The following IRF8 variants were observed in gnomAD, a reference collection of about 807,000 sequenced individuals.
IRF8 encodes interferon regulatory factor 8.
Under a neutral mutation model 48.7 loss-of-function variants are expected in IRF8, and 14 were observed. That is an observed-to-expected ratio of 0.29 (90% CI 0.19 to 0.45). IRF8 has a LOEUF of 0.45. Ranked by LOEUF, IRF8 falls within the 20% of genes least tolerant of loss-of-function variation. The pLI is 1.00. For synonymous variants in IRF8, 278 were observed against 227.3 expected, an observed-to-expected ratio of 1.22 and a Z score of -2.01; for missense variants, 493 against 580.7, an observed-to-expected ratio of 0.85 and a Z score of 1.55.
At chr16:85,908,846 T>A (rs1440414651) in intron 2 of IRF8, 144 bp from the exon 3 acceptor site, 1 of 788,478 alleles carries the variant, frequency 1.3e-6, no homozygotes, top group Non-Finnish European at 2.2e-6. Context: ...GATTGGAGTC[T>A]CTTTGGGTCC....
chr16:85,921,600 G>A lies in IRF8; in HGVS notation c.*318G>A. On this transcript the variant is annotated 3_prime_UTR_variant, in exon 9 of 9. Transcript: ENST00000268638. The stretch of plus-strand genomic sequence containing the variant: ...TTTTCGGTTAACTATCATTTCCAAA[G>A]ACTTGTCATTCAGTAATATTAGCAG... 2.6e-6 allele frequency: 1 copy of A among 378,388 alleles called. No individual in the cohort carries two copies. The highest frequency in any genetic ancestry group is 5.0e-6 in the Non-Finnish European group (1 of 201,320). 23.4% of individuals were successfully genotyped at this position (378,388 alleles called of 1,614,324 possible).
intron 8 of IRF8, 96 bp from the exon 9 acceptor site, chr16:85,921,010 C>T: frequency 8.0e-7 from 1 of 1,247,158 alleles, no homozygotes; most frequent in Non-Finnish European, 1.1e-6. Flanking sequence ...TCACGTGGCA[C>T]TGGGGTCATC....
intron 3 of IRF8, chr16:85,910,013 C>G (rs973726805): frequency 6.6e-6 from 1 of 152,194 alleles, no homozygotes; most frequent in Non-Finnish European, 1.5e-5. Flanking sequence ...AACAGAAACC[C>G]CCAAAACTTC....
chr16:85,904,302 G>T (rs1904921378), intron 2 of IRF8, among the ~76,000 whole-genome samples: 1 of 152,126 alleles, frequency 6.6e-6, no homozygotes, highest in Non-Finnish European at 1.5e-5. Context: ...GGGCTGAGTT[G>T]TTGGGGGCCA....
chr16:85,907,550 C>A (rs1269955388), intron 2 of IRF8, among the ~76,000 whole-genome samples: 2 of 152,108 alleles, frequency 1.3e-5, no homozygotes, highest in East Asian at 1.9e-4. Context: ...TGGTGGTGCA[C>A]ACCTGTAGTC....
At chr16:85,903,627 C>A in intron 2 of IRF8, 1 of 232,646 alleles carries the variant, frequency 4.3e-6, no homozygotes, top group Non-Finnish European at 8.5e-6. Context: ...GGGTGAGATG[C>A]CATCTGTCAT....
At chr16:85,899,799 A>G (rs1904768759) in intron 1 of IRF8, among the ~76,000 whole-genome samples, 1 of 152,222 alleles carries the variant, frequency 6.6e-6, no homozygotes, top group African/African-American at 2.4e-5. Flanking sequence ...ACAGCTCACA[A>G]AAGCATTGTT....
chr16:85,903,880 T>C lies in IRF8; in HGVS notation c.174+691T>C, dbSNP rs146375751. Among the ~76,000 whole-genome samples the C allele has an allele frequency of 7.4e-4, 112 of 152,290 alleles. 3 individuals are homozygous for C. The East Asian group carries it at 0.019, about 25-fold the overall frequency. The stretch of plus-strand genomic sequence containing the variant: ...AAGTGACTTGTTGAGGTCTCACAGC[T>C]CTTGTATGACGGAGCCAGCATTCAG... On this transcript the variant is annotated intron_variant, in intron 2 of 8. Transcript: ENST00000268638.
intron 2 of IRF8, among the ~76,000 whole-genome samples, chr16:85,904,675 G>A (rs1376809977): frequency 6.6e-6 from 1 of 152,078 alleles, no homozygotes; most frequent in Non-Finnish European, 1.5e-5. Context: ...GTCCCTTGGT[G>A]CCCCCACACG....
chr16:85,911,515 A>C, intron 3 of IRF8, 55 bp from the exon 4 acceptor site: 1 of 1,414,102 alleles, frequency 7.1e-7, no homozygotes, highest in Non-Finnish European at 1.0e-6. Context: ...TGGCTTCAGC[A>C]AAGGCTGTGA....
intron 7 of IRF8, 40 bp from the exon 8 acceptor site, chr16:85,920,069 C>T (rs371323003): frequency 3.3e-5 from 48 of 1,471,078 alleles, no homozygotes; most frequent in African/African-American, 2.4e-4. Flanking sequence ...GAGGTCATCT[C>T]GGCCTTGCTT....
chr16:85,914,828 C>G (rs1350698484), intron 6 of IRF8, among the ~76,000 whole-genome samples: 2 of 152,176 alleles, frequency 1.3e-5, no homozygotes, highest in African/African-American at 4.8e-5. Context: ...ATGAGCAGGA[C>G]CTGGTGTGGA....
At position 85,914,524 on chromosome 16, in the gene IRF8, C is replaced by CGG; in HGVS notation, c.601+7_601+8dup. 1 of 1,614,020 alleles carries CGG rather than the reference C, an allele frequency of 6.2e-7. No individual in the cohort carries two copies. Among genetic ancestry groups the CGG allele is most frequent in the Non-Finnish European group, 8.5e-7 (1 of 1,180,006 alleles). Reference sequence around the variant, plus strand: ...ACCTACGACGCGCACCATTCAGGTACGGGGTGGTCCGGGCTGAGAGGGGCG... The same window carrying CGG: ...ACCTACGACGCGCACCATTCAGGTACGGGGGGTGGTCCGGGCTGAGAGGGGCG... On this transcript the variant is annotated splice_donor_region_variant and intron_variant, in intron 6 of 8. Transcript: ENST00000268638.
rs1043048426 is a variant in IRF8 at position 85,921,856 on chromosome 16, T to A, written c.*574T>A. 1 of 159,378 alleles carries A rather than the reference T, an allele frequency of 6.3e-6. No individual in the cohort carries two copies. Among genetic ancestry groups the A allele is most frequent in the African/African-American group, 2.4e-5 (1 of 41,476 alleles). 9.9% of individuals were successfully genotyped at this position (159,378 alleles called of 1,614,324 possible). ...TGGCTTGTTAGAAGAAAGTATATTCTTTCTAGAATTTGGTGCAGGAATATG... is the reference window on the plus strand; with the variant it reads ...TGGCTTGTTAGAAGAAAGTATATTCATTCTAGAATTTGGTGCAGGAATATG... On this transcript the variant is annotated 3_prime_UTR_variant, in exon 9 of 9. Transcript: ENST00000268638.
chr16:85,921,066 C>A, intron 8 of IRF8, 40 bp from the exon 9 acceptor site: 1 of 1,577,666 alleles, frequency 6.3e-7, no homozygotes, highest in African/African-American at 1.4e-5. Context: ...CCCTTTGGAG[C>A]CTCCGCCTCT....
At chr16:85,913,457 G>A in intron 5 of IRF8, 2 of 584,748 alleles carry the variant, frequency 3.4e-6, no homozygotes, top group Non-Finnish European at 3.1e-6. Flanking sequence ...TCTCAGGAGG[G>A]CACAAGCTGC....
At chr16:85,908,948 G>A (rs1196012335) in intron 2 of IRF8, 42 bp from the exon 3 acceptor site, 1 of 1,534,686 alleles carries the variant, frequency 6.5e-7, no homozygotes, top group Admixed American at 1.7e-5. Context: ...TTTGTGATTG[G>A]AGTCGGCCAT....
At chr16:85,915,827 G>C (rs1905286386) in intron 6 of IRF8, among the ~76,000 whole-genome samples, 2 of 152,330 alleles carry the variant, frequency 1.3e-5, no homozygotes, top group African/African-American at 4.8e-5. Flanking sequence ...AATTTGGGGA[G>C]AGCATGTCCT....
rs1177860791 is a variant in IRF8, at chr16:85,904,812, C to CTTTTTTTTTTTTTTTTTTTTTTTTTT, written c.174+1643_174+1644insTTTTTTTTTTTTTTTTTTTTTTTTTT. ...ATTTCTCTCTTGTTTGATTGCAGAT[C>CTTTTTTTTTTTTTTTTTTTTTTTTTT]TTTTTTTTTTTTTTTTTTTTGCCTT... On this transcript the variant is annotated intron_variant, in intron 2 of 8. Coordinates refer to ENST00000268638, the MANE Select transcript of IRF8 (RefSeq NM_002163.4). Among the ~76,000 whole-genome samples the CTTTTTTTTTTTTTTTTTTTTTTTTTT allele has an allele frequency of 1.7e-3, 145 of 87,608 alleles. 4 individuals are homozygous for CTTTTTTTTTTTTTTTTTTTTTTTTTT. The highest frequency in any genetic ancestry group is 0.016 in the Middle Eastern group (2 of 124). The allele number at this position is 87,608 out of a possible 152,430, so 57.5% of individuals were successfully genotyped here.
Sources: gnomAD v4.1 joint callset for allele counts (sites outside exome capture counted in the v4.1 genomes callset) on GRCh38, gnomAD v4.1.1 for gene constraint, MANE v1.5 for transcripts, NCBI Gene and HGNC (gene_info 2026-07-23, HGNC 2026-07-21) for gene names.